B3GALNT1: variants seen among roughly 807,000 people sequenced by gnomAD.
B3GALNT1 encodes beta-1,3-N-acetylgalactosaminyltransferase 1 (Globoside blood group), also known as UDP-GalNAc:beta-1,3-N-acetylgalactosaminyltransferase 1.
In B3GALNT1, 17 loss-of-function variants were observed where a neutral mutation model predicts 27.3. The ratio of observed to expected loss-of-function variants is 0.62; its 90% CI spans 0.43 to 0.94. The LOEUF (loss-of-function observed/expected upper bound fraction) is 0.94, where lower values mean the gene tolerates loss of function less well. Among genes scored for constraint, B3GALNT1 ranks in the 40% least tolerant of loss-of-function variants. The pLI, the probability that B3GALNT1 is intolerant of heterozygous loss-of-function variation, is 0.00. For missense variants in B3GALNT1, 347 were observed against 390.0 expected (o/e 0.89, Z 0.93); for synonymous variants, 141 against 144.0 (o/e 0.98, Z 0.15).
intron 4 of B3GALNT1, among the ~76,000 whole-genome samples, chr3:161,093,828 T>C (rs1336281934): frequency 6.6e-6 from 1 of 151,686 alleles, no homozygotes; most frequent in Admixed American, 6.6e-5. Flanking sequence ...TGAGACCCCA[T>C]AGATAAAAAA....
intron 4 of B3GALNT1, among the ~76,000 whole-genome samples, chr3:161,091,313 C>G (rs1246370979): frequency 2.6e-5 from 4 of 151,950 alleles, no homozygotes; most frequent in African/African-American, 9.7e-5. Flanking sequence ...AGAAAAATGC[C>G]AATTAGAAAT....
chr3:161,104,478 G>A, intron 1 of B3GALNT1, 72 bp from the exon 2 acceptor site: 1 of 636,790 alleles, frequency 1.6e-6, no homozygotes, highest in East Asian at 6.7e-5. Flanking sequence ...ACATTAAGAA[G>A]GCGAACGGAT....
At chr3:161,098,585 T>G (rs1473309255) in intron 4 of B3GALNT1, among the ~76,000 whole-genome samples, 1 of 152,192 alleles carries the variant, frequency 6.6e-6, no homozygotes, top group Non-Finnish European at 1.5e-5. Context: ...TACTGGTGCA[T>G]GCCTGTAATG....
chr3:161,103,821 G>A (rs890798030), intron 2 of B3GALNT1: 2 of 182,374 alleles, frequency 1.1e-5, no homozygotes, highest in East Asian at 1.6e-4. Context: ...TCTGCCTCCC[G>A]GGTTCGAGCA....
At chr3:161,100,089 A>C (rs13071892) in intron 4 of B3GALNT1, among the ~76,000 whole-genome samples, 42,829 of 152,072 alleles carry the variant, frequency 0.28, 6,315 homozygotes, top group East Asian at 0.55. Context: ...TGAATAATAA[A>C]ATATGTAAGT....
At chr3:161,104,640 G>C (rs1294943546) in intron 1 of B3GALNT1, 2 of 221,886 alleles carry the variant, frequency 9.0e-6, no homozygotes, top group Non-Finnish European at 1.8e-5. Flanking sequence ...AGCCCCGTGG[G>C]ATTTCCTTCT....
chr3:161,086,498 G>T lies in B3GALNT1; in HGVS notation c.257C>A (p.Ser86Tyr). ...QNPFLVILVT[S>Y]HPSDVKARQA... ...CCTGGCTTTCACATCTGAAGGGTGG[G>T]AGGTCACCAGAATGACCAGAAATGG... is the stretch of plus-strand genomic sequence containing the variant. Residue 86 changes from serine to tyrosine, a missense_variant, in exon 5 of 5, where the codon TCC becomes TAC. Transcript: ENST00000320474. 2 of 1,614,148 alleles carry T rather than the reference G, an allele frequency of 1.2e-6. No homozygotes were observed. The highest frequency in any genetic ancestry group is 1.7e-6 in the Non-Finnish European group (2 of 1,180,038).
intron 1 of B3GALNT1, chr3:161,104,714 C>T (rs572619000): frequency 1.9e-4 from 35 of 183,312 alleles, no homozygotes; most frequent in Non-Finnish European, 2.2e-4. Flanking sequence ...CTCCGACATC[C>T]CTGCGCCGGG....
At chr3:161,091,268 A>AAAAT (rs763242184) in intron 4 of B3GALNT1, among the ~76,000 whole-genome samples, 9 of 152,146 alleles carry the variant, frequency 5.9e-5, no homozygotes, top group African/African-American at 7.2e-5. Context: ...GACCGTTTCA[A>AAAAT]AAATAAATAA....
chr3:161,103,712 T>C (rs750614471), intron 2 of B3GALNT1, among the ~76,000 whole-genome samples, 195 bp from the exon 3 acceptor site: 9 of 152,164 alleles, frequency 5.9e-5, no homozygotes, highest in Non-Finnish European at 1.3e-4. Flanking sequence ...GAAATTATAC[T>C]TGGACACTGT....
At chr3:161,104,591 T>A (rs1733266424) in intron 1 of B3GALNT1, 185 bp from the exon 2 acceptor site, 1 of 348,652 alleles carries the variant, frequency 2.9e-6, no homozygotes, top group African/African-American at 2.2e-5. Context: ...AAACGCCCTG[T>A]ATGTTCCTTA....
rs1559969188 is a variant in B3GALNT1 at position 161,086,738 on chromosome 3, CAG to C, written c.15_16del (p.Trp6AspfsTer6). ...TGACATCCTACTCGGAAGGACAGTC[CAG>C]AGAGCCGAGGCCATCCACAGCAGCT... On this transcript the variant is annotated frameshift_variant, in exon 5 of 5. Transcript: ENST00000320474. LOFTEE classifies it high-confidence loss of function. 1 of 1,613,948 alleles carries C rather than the reference CAG, an allele frequency of 6.2e-7. No homozygotes were observed. Among genetic ancestry groups the C allele is most frequent in the South Asian group, 1.1e-5 (1 of 91,078 alleles).
Position 161,086,516 on chromosome 3 carries a change from A to G in B3GALNT1, c.239T>C (p.Leu80Pro). The change falls in exon 5 of 5, where the codon CTG (leucine) becomes CCG (proline). Residue 80 changes from leucine (L) to proline (P), a missense_variant. Physicochemically the swap from Leu to Pro is moderately conservative, Grantham distance 98. Coordinates refer to ENST00000320474, the MANE Select transcript of B3GALNT1 (RefSeq NM_003781.4). ...AGGGTGGGAGGTCACCAGAATGACCAGAAATGGATTTTGATGAGAGCAGTT... is the reference window on the plus strand; with the variant it reads ...AGGGTGGGAGGTCACCAGAATGACCGGAAATGGATTTTGATGAGAGCAGTT... ...HSNCSHQNPF[L>P]VILVTSHPSD... 6.2e-7 allele frequency: 1 copy of G among 1,614,214 alleles called. No individual in the cohort carries two copies. The highest frequency in any genetic ancestry group is 8.5e-7 in the Non-Finnish European group (1 of 1,180,044).
At chr3:161,104,490 C>CTTTGGGAGGCCGAGGCGGGTGGATCA in intron 1 of B3GALNT1, 84 bp from the exon 2 acceptor site, 1 of 558,090 alleles carries the variant, frequency 1.8e-6, no homozygotes, top group South Asian at 1.9e-5. Context: ...CGAACGGATA[C>CTTTGGGAGGCCGAGGCGGGTGGATCA]TGAATTCAAA....
chr3:161,100,136 G>A (rs1348057917), intron 4 of B3GALNT1, among the ~76,000 whole-genome samples: 1 of 152,172 alleles, frequency 6.6e-6, no homozygotes, highest in Non-Finnish European at 1.5e-5. Flanking sequence ...CAAAGATAGT[G>A]TTATTCTAAC....
rs547351636 is a variant in B3GALNT1 at position 161,104,110 on chromosome 3, G to A, written c.-221+209C>T. 6.1e-5 allele frequency: 19 copies of A among 310,096 alleles called. No individual in the cohort carries two copies. In the East Asian group the frequency reaches 1.9e-3, roughly 31 times the overall value. The allele number at this position is 310,096 out of a possible 1,614,324, so 19.2% of individuals were successfully genotyped here. A position where few individuals can be genotyped will look rare whatever the true frequency, so the allele number is the denominator to read the frequency against. On this transcript the variant is annotated intron_variant, in intron 2 of 4. Transcript: ENST00000320474. Reference sequence around the variant, plus strand: ...CATTTGAACGAACATTTTAGTCTATGAGGGGAAAAAAGTCATAGTCTCTTA... The same window carrying A: ...CATTTGAACGAACATTTTAGTCTATAAGGGGAAAAAAGTCATAGTCTCTTA...
At chr3:161,104,155 T>A in intron 2 of B3GALNT1, 164 bp downstream of exon 2, 1 of 401,068 alleles carries the variant, frequency 2.5e-6, no homozygotes, top group Non-Finnish European at 4.5e-6. Context: ...AATAAACGAT[T>A]CTGTTCTCCA....
chr3:161,084,909 A>T lies in B3GALNT1; in HGVS notation c.*850T>A, dbSNP rs149930385. On this transcript the variant is annotated 3_prime_UTR_variant, in exon 5 of 5. Transcript: ENST00000320474. Reference sequence around the variant, plus strand: ...GCATTCTACATTATTCCTAATTTCCAGGTGGAAAAATGAGACAAATTAAGT... The same window carrying T: ...GCATTCTACATTATTCCTAATTTCCTGGTGGAAAAATGAGACAAATTAAGT... The T allele has an allele frequency of 2.0e-5, 3 of 152,350 alleles. No individual in the cohort carries two copies. In the East Asian group the frequency reaches 5.8e-4, roughly 29 times the overall value. The allele number at this position is 152,350 out of a possible 1,614,324, so 9.4% of individuals were successfully genotyped here. A position where few individuals can be genotyped will look rare whatever the true frequency, so the allele number is the denominator to read the frequency against.
rs1183902146 is a variant in B3GALNT1, at chr3:161,084,368, T to C, written c.*1391A>G. 2 of 152,186 alleles carry C rather than the reference T, an allele frequency of 1.3e-5. No individual in the cohort carries two copies. The highest frequency in any genetic ancestry group is 4.8e-5 in the African/African-American group (2 of 41,454). 9.4% of individuals were successfully genotyped at this position (152,186 alleles called of 1,614,324 possible). On this transcript the variant is annotated 3_prime_UTR_variant, in exon 5 of 5. Coordinates refer to ENST00000320474, the MANE Select transcript of B3GALNT1 (RefSeq NM_003781.4). The stretch of plus-strand genomic sequence containing the variant: ...CACATTATAGTTTTAACTGAAGTTG[T>C]TTTTCATATAGGACAATCATAAATA...
Sources: gnomAD v4.1 joint callset for allele counts (sites outside exome capture counted in the v4.1 genomes callset) on GRCh38, gnomAD v4.1.1 for gene constraint, MANE v1.5 for transcripts, NCBI Gene and HGNC (gene_info 2026-07-23, HGNC 2026-07-21) for gene names.